FAM114A1: variants seen among roughly 807,000 people sequenced by gnomAD.
FAM114A1 encodes the protein protein NOXP20.
FAM114A1 carries 62 observed loss-of-function variants against 64.3 expected under a neutral mutation model. That is an observed-to-expected ratio of 0.96 (90% CI 0.79 to 1.19). The LOEUF is 1.19. Among genes scored for constraint, FAM114A1 ranks in the 50% most tolerant of loss-of-function variants. The pLI, the probability that FAM114A1 is intolerant of heterozygous loss-of-function variation, is 0.00. For missense variants in FAM114A1, 645 were observed against 676.3 expected, an observed-to-expected ratio of 0.95 and a Z score of 0.51; for synonymous variants, 254 against 251.1, an observed-to-expected ratio of 1.01 and a Z score of -0.11.
In FAM114A1 at chr4:38,929,281, C is replaced by CA; in HGVS notation, c.1110dup (p.Glu371ArgfsTer5). On this transcript the variant is annotated frameshift_variant, in exon 10 of 15. Coordinates refer to ENST00000358869, the MANE Select transcript of FAM114A1 (RefSeq NM_138389.4). LOFTEE classifies it high-confidence loss of function. ...GGAGAAGAATTTGCTCGCATGCTTACAGAGCTTCTCTTTGAATTACATGTG... is the reference window on the plus strand; with the variant it reads ...GGAGAAGAATTTGCTCGCATGCTTACAAGAGCTTCTCTTTGAATTACATGTG... 6.2e-7 allele frequency: 1 copy of CA among 1,613,980 alleles called. No homozygotes were observed.
intron 4 of FAM114A1, among the ~76,000 whole-genome samples, chr4:38,894,434 G>A (rs575586146): frequency 1.6e-4 from 25 of 152,288 alleles, no homozygotes; most frequent in Admixed American, 1.5e-3. Flanking sequence ...AGGCCATCAT[G>A]AGCATTGTGC....
Position 38,914,999 on chromosome 4 carries a change from ATGCTGTT to A in FAM114A1, c.874_880del (p.Leu292MetfsTer27). On this transcript the variant is annotated frameshift_variant, in exon 8 of 15. Coordinates refer to ENST00000358869, the MANE Select transcript of FAM114A1 (RefSeq NM_138389.4). LOFTEE classifies it high-confidence loss of function. ...GATGGAGAGAACCGCGCACTACGGG[ATGCTGTT>A]TGATGAATATCAAGGCTTGTCACAC... 1 of 1,614,210 alleles carries A rather than the reference ATGCTGTT, an allele frequency of 6.2e-7. No homozygotes were observed. The highest frequency in any genetic ancestry group is 8.5e-7 in the Non-Finnish European group (1 of 1,180,034).
At chr4:38,884,000 T>C (rs1316084820) in intron 3 of FAM114A1, among the ~76,000 whole-genome samples, 1 of 152,138 alleles carries the variant, frequency 6.6e-6, no homozygotes, top group East Asian at 1.9e-4. Flanking sequence ...AGGCACAAGA[T>C]CATAGTGGAA....
Position 38,931,711 on chromosome 4 carries a change from T to G in FAM114A1, c.1323+99T>G, listed in dbSNP as rs536560773. The stretch of plus-strand genomic sequence containing the variant: ...TGAGGAGAGGCCATTTCTTTTTCAT[T>G]TGTTCCGTGTTATAGAAATATAAGT... On this transcript the variant is annotated intron_variant, in intron 11 of 14. Transcript: ENST00000358869. 2.3e-3 allele frequency: 2,860 copies of G among 1,264,898 alleles called. 5 individuals are homozygous for G. Among genetic ancestry groups the G allele is most frequent in the Non-Finnish European group, 2.6e-3 (2,422 of 936,320 alleles). The allele number at this position is 1,264,898 out of a possible 1,614,324, so 78.4% of individuals were successfully genotyped here.
chr4:38,921,212 C>T (rs1719558477), intron 8 of FAM114A1, among the ~76,000 whole-genome samples: 1 of 152,164 alleles, frequency 6.6e-6, no homozygotes, highest in Non-Finnish European at 1.5e-5. Context: ...TTCCCTGTGC[C>T]CTTTTACCAT....
chr4:38,905,400 TAAA>T (rs74272797), intron 4 of FAM114A1, 119 bp from the exon 5 acceptor site: 130 of 599,968 alleles, frequency 2.2e-4, no homozygotes, highest in African/African-American at 3.3e-4. Flanking sequence ...CTCCATCTTT[TAAA>T]AAAAAAAAAA....
At chr4:38,879,254 G>T (rs1377488193) in intron 3 of FAM114A1, among the ~76,000 whole-genome samples, 2 of 152,106 alleles carry the variant, frequency 1.3e-5, no homozygotes, top group African/African-American at 4.8e-5. Context: ...GAGGAATTGG[G>T]GTCTTCCCTC....
Position 38,945,720 on chromosome 4 carries a change from A to G in FAM114A1, c.*2163A>G, listed in dbSNP as rs1040205930. ...TGGAAAAAAATTACCTGAGAAATCAATTAAAGATTTTTCCCCTTTTCTGAT... is the reference window on the plus strand; with the variant it reads ...TGGAAAAAAATTACCTGAGAAATCAGTTAAAGATTTTTCCCCTTTTCTGAT... On this transcript the variant is annotated 3_prime_UTR_variant, in exon 15 of 15. Coordinates refer to ENST00000358869, the MANE Select transcript of FAM114A1 (RefSeq NM_138389.4). The G allele has an allele frequency of 1.3e-5, 2 of 152,234 alleles. No homozygotes were observed. Among genetic ancestry groups the G allele is most frequent in the Non-Finnish European group, 2.9e-5 (2 of 68,048 alleles). 9.4% of individuals were successfully genotyped at this position (152,234 alleles called of 1,614,324 possible).
rs1181787665 is a variant in FAM114A1 at position 38,922,712 on chromosome 4, T to C, written c.946-58T>C. 4.5e-6 allele frequency: 7 copies of C among 1,570,730 alleles called. No homozygotes were observed. In the African/African-American group the frequency reaches 9.6e-5, roughly 22 times the overall value. On this transcript the variant is annotated intron_variant, in intron 8 of 14. Transcript: ENST00000358869. ...TGGGAAAACTGGGGACCGCTGTGTGTAAACGTTATTAACGAGAAGAAAAGA... is the reference window on the plus strand; with the variant it reads ...TGGGAAAACTGGGGACCGCTGTGTGCAAACGTTATTAACGAGAAGAAAAGA...
intron 14 of FAM114A1, among the ~76,000 whole-genome samples, chr4:38,942,253 C>A (rs1310671114): frequency 3.9e-5 from 6 of 152,084 alleles, no homozygotes; most frequent in Admixed American, 1.3e-4. Flanking sequence ...ATATTTATAT[C>A]ATTGTTTTGG....
At chr4:38,907,238 C>T (rs1718096262) in intron 6 of FAM114A1, among the ~76,000 whole-genome samples, 1 of 152,140 alleles carries the variant, frequency 6.6e-6, no homozygotes. Context: ...AGTCAACCAC[C>T]CCCGTGGGGG....
At chr4:38,934,551 C>A (rs943013036) in intron 12 of FAM114A1, among the ~76,000 whole-genome samples, 1 of 152,176 alleles carries the variant, frequency 6.6e-6, no homozygotes, top group African/African-American at 2.4e-5. Flanking sequence ...TTATCATTCC[C>A]ATAGCATTTT....
At chr4:38,930,065 G>A (rs989606012) in intron 10 of FAM114A1, among the ~76,000 whole-genome samples, 2 of 152,220 alleles carry the variant, frequency 1.3e-5, no homozygotes, top group Non-Finnish European at 1.5e-5. Flanking sequence ...GCCAGAATTA[G>A]GTAGAGAGAG....
At position 38,905,533 on chromosome 4, in the gene FAM114A1, A is replaced by C. The variant is rs1331528168; in HGVS notation, c.448A>C (p.Thr150Pro). ...TTTATTTCCAACAGGTCATGGATTG[A>C]CGGCAGTCAAGGAAAAAGCAGGAGC... ...SASATVGHGL[T>P]AVKEKAGATL... Residue 150 changes from threonine to proline, a missense_variant, in exon 5 of 15, where the codon ACG becomes CCG. Transcript: ENST00000358869. 5.0e-6 allele frequency: 8 copies of C among 1,613,666 alleles called. No individual in the cohort carries two copies. In the East Asian group the frequency reaches 1.3e-4, roughly 27 times the overall value.
intron 4 of FAM114A1, among the ~76,000 whole-genome samples, chr4:38,900,618 A>G (rs529875950): frequency 6.6e-6 from 1 of 152,236 alleles, no homozygotes; most frequent in East Asian, 1.9e-4. Context: ...CCTTGAGGAC[A>G]TTATGCTAAG....
intron 4 of FAM114A1, among the ~76,000 whole-genome samples, chr4:38,901,268 C>A (rs1302688891): frequency 6.6e-6 from 1 of 151,798 alleles, no homozygotes; most frequent in African/African-American, 2.4e-5. Context: ...TCAGAGAGAA[C>A]TTCCCAGCAT....
At chr4:38,868,020 C>A in intron 1 of FAM114A1, 186 bp downstream of exon 1, 2 of 419,446 alleles carry the variant, frequency 4.8e-6, no homozygotes, top group Admixed American at 4.9e-5. Flanking sequence ...GGGTCTGGGG[C>A]GGCGCGGCCG....
chr4:38,943,795 C>T lies in FAM114A1; in HGVS notation c.*238C>T, dbSNP rs1334509089. The T allele has an allele frequency of 5.8e-6, 2 of 346,800 alleles. No individual in the cohort carries two copies. The highest frequency in any genetic ancestry group is 9.3e-5 in the East Asian group (2 of 21,392). The allele number at this position is 346,800 out of a possible 1,614,324, so 21.5% of individuals were successfully genotyped here. Reference sequence around the variant, plus strand: ...TTTATGTTAATTTAAACTTACACAGCTTATATTGAAAATTTCCTTTCATCT... The same window carrying T: ...TTTATGTTAATTTAAACTTACACAGTTTATATTGAAAATTTCCTTTCATCT... On this transcript the variant is annotated 3_prime_UTR_variant, in exon 15 of 15. Coordinates refer to ENST00000358869, the MANE Select transcript of FAM114A1 (RefSeq NM_138389.4).
At chr4:38,881,973 C>G (rs1448712615) in intron 3 of FAM114A1, among the ~76,000 whole-genome samples, 2 of 152,174 alleles carry the variant, frequency 1.3e-5, no homozygotes, top group African/African-American at 4.8e-5. Flanking sequence ...CTATTTGACC[C>G]CATGTACATC....
Sources: gnomAD v4.1 joint callset for allele counts (sites outside exome capture counted in the v4.1 genomes callset) on GRCh38, gnomAD v4.1.1 for gene constraint, MANE v1.5 for transcripts, NCBI Gene and HGNC (gene_info 2026-07-23, HGNC 2026-07-21) for gene names.